Variants in HTT observed in about 807,000 individuals in gnomAD.
HTT encodes the protein huntingtin.
A neutral mutation model predicts 362.3 loss-of-function variants in HTT; 104 were observed. The ratio of observed to expected loss-of-function variants is 0.29; its 90% CI spans 0.24 to 0.34. The LOEUF is 0.34. Ranked by LOEUF, HTT falls within the 10% of genes least tolerant of loss-of-function variation. The pLI, the probability that HTT is intolerant of heterozygous loss-of-function variation, is 1.00. For synonymous variants in HTT, 1,577 were observed against 1,548.7 expected, an observed-to-expected ratio of 1.02 and a Z score of -0.43; for missense variants, 3,301 against 3,928.6, an observed-to-expected ratio of 0.84 and a Z score of 4.27.
chr4:3,184,137 G>A (rs1015659409), intron 37 of HTT, among the ~76,000 whole-genome samples: 1 of 151,956 alleles, frequency 6.6e-6, no homozygotes. Flanking sequence ...TTGTTCAGCT[G>A]GTGATGAGAA....
chr4:3,208,840 T>C lies in HTT; in HGVS notation c.6220T>C (p.Ser2074Pro), dbSNP rs201646519. The C allele has an allele frequency of 9.9e-5, 159 of 1,614,086 alleles. No homozygotes were observed. In the African/African-American group the frequency reaches 1.7e-3, roughly 18 times the overall value. ...CACCATGCAAGACTCACTTAGTCCCTCTCCTCCAGTCTCTTCCCACCCGCT... is the reference window on the plus strand; with the variant it reads ...CACCATGCAAGACTCACTTAGTCCCCCTCCTCCAGTCTCTTCCCACCCGCT... ...LSTMQDSLSP[S>P]PPVSSHPLDG... Residue 2074 changes from serine (S) to proline (P), a missense_variant, in exon 46 of 67, where the codon TCT becomes CCT. Coordinates refer to ENST00000355072, the MANE Select transcript of HTT (RefSeq NM_001388492.1).
chr4:3,127,507 A>G lies in HTT; in HGVS notation c.1646A>G (p.Asn549Ser). Residue 549 changes from asparagine to serine, a missense_variant, in exon 12 of 67, where the codon AAT (asparagine) becomes AGT (serine). Physicochemically the swap from Asn to Ser is conservative, Grantham distance 46. Around this residue, in one of 4 missense-constraint regions of HTT, gnomAD observed 2,316 missense variants for 2,658.5 expected, o/e 0.87. Transcript: ENST00000355072. ...AVPSDPAMDL[N>S]DGTQASSPIS... ...CCATCTGACCCTGCCATGGACCTGA[A>G]TGATGGGACCCAGGCCTCGTCGCCC... 6.2e-7 allele frequency: 1 copy of G among 1,614,226 alleles called. No individual in the cohort carries two copies. The highest frequency in any genetic ancestry group is 8.5e-7 in the Non-Finnish European group (1 of 1,180,022).
chr4:3,121,631 T>G, intron 9 of HTT, 199 bp downstream of exon 9: 1 of 485,858 alleles, frequency 2.1e-6, no homozygotes, highest in South Asian at 2.4e-5. Flanking sequence ...ATTTCAGCAC[T>G]TTGGAAGGAT....
chr4:3,086,574 G>C (rs1239366495), intron 1 of HTT, among the ~76,000 whole-genome samples: 3 of 152,210 alleles, frequency 2.0e-5, no homozygotes, highest in Admixed American at 2.0e-4. Flanking sequence ...AGGAGGCTGA[G>C]ACGGGAGGAT....
chr4:3,079,249 T>C (rs1421374771), intron 1 of HTT, among the ~76,000 whole-genome samples: 1 of 148,810 alleles, frequency 6.7e-6, no homozygotes, highest in South Asian at 2.2e-4. Context: ...GAAGACAGCT[T>C]TTTTTTTTTT....
rs767177058 is a variant in HTT at position 3,127,440 on chromosome 4, G to A, written c.1579G>A (p.Glu527Lys). 3 of 1,614,146 alleles carry A rather than the reference G, an allele frequency of 1.9e-6. No homozygotes were observed. Reference protein sequence around the residue: ...LTSSATDGDEEDILSHSSSQV... With the variant: ...LTSSATDGDEKDILSHSSSQV... ...AAGCTCTGCCACTGATGGGGATGAG[G>A]AGGATATCTTGAGCCACAGCTCCAG... is the stretch of plus-strand genomic sequence containing the variant. The change falls in exon 12 of 67, where the codon GAG (glutamate) becomes AAG (lysine). Residue 527 changes from glutamate to lysine, a missense_variant. Coordinates refer to ENST00000355072, the MANE Select transcript of HTT (RefSeq NM_001388492.1).
In HTT at chr4:3,105,351, C is replaced by T. The variant is rs762755902; in HGVS notation, c.529-6C>T. The T allele has an allele frequency of 6.2e-7, 1 of 1,609,356 alleles. No homozygotes were observed. The highest frequency in any genetic ancestry group is 8.5e-7 in the Non-Finnish European group (1 of 1,175,640). On this transcript the variant is annotated splice_polypyrimidine_tract_variant and splice_region_variant and intron_variant, in intron 4 of 66. Coordinates refer to ENST00000355072, the MANE Select transcript of HTT (RefSeq NM_001388492.1). Reference sequence around the variant, plus strand: ...TCTTAATGCAACCCTCATTGCACCCCCTCAGAATGGTGCCCCTCGGAGTTT... The same window carrying T: ...TCTTAATGCAACCCTCATTGCACCCTCTCAGAATGGTGCCCCTCGGAGTTT...
chr4:3,204,313 A>G lies in HTT; in HGVS notation c.5718+165A>G, dbSNP rs1271277700. Reference sequence around the variant, plus strand: ...TGAATGTTTACTTCTGCTGTGACATATAATTGGAGACCAGGCCTGGCCTTC... The same window carrying G: ...TGAATGTTTACTTCTGCTGTGACATGTAATTGGAGACCAGGCCTGGCCTTC... On this transcript the variant is annotated intron_variant, in intron 42 of 66. Coordinates refer to ENST00000355072, the MANE Select transcript of HTT (RefSeq NM_001388492.1). 2.0e-5 allele frequency among the ~76,000 whole-genome samples: 3 copies of G among 152,324 alleles called. No individual in the cohort carries two copies. The East Asian group carries it at 5.8e-4, about 29-fold the overall frequency.
Position 3,218,602 on chromosome 4 carries a change from T to C in HTT, c.7242+650T>C, listed in dbSNP as rs1343227917. Among the ~76,000 whole-genome samples, 1 of 151,602 alleles carries C rather than the reference T, an allele frequency of 6.6e-6. No individual in the cohort carries two copies. The highest frequency in any genetic ancestry group is 1.5e-5 in the Non-Finnish European group (1 of 67,912). On this transcript the variant is annotated intron_variant, in intron 52 of 66. Coordinates refer to ENST00000355072, the MANE Select transcript of HTT (RefSeq NM_001388492.1). The surrounding 1 kb of genome is among the most constrained non-coding windows in gnomAD (Gnocchi z 4.4). ...AAGCCGAGATCGCGCCACTGCACTC[T>C]AGCCTGGGCAACAGAGCAAGACTCC...
chr4:3,215,062 T>G (rs1315232028), intron 50 of HTT, 48 bp from the exon 51 acceptor site: 2 of 1,430,004 alleles, frequency 1.4e-6, no homozygotes, highest in Admixed American at 1.8e-5. Flanking sequence ...TAAAAAGCAC[T>G]GATGGAAGTG....
chr4:3,145,241 C>T lies in HTT; in HGVS notation c.3143+13C>T, dbSNP rs1245057213. On this transcript the variant is annotated intron_variant, in intron 24 of 66. Transcript: ENST00000355072. ...GTTGGCACTGTGGGTATGTATTTTC[C>T]TCAGTATATATTAATAGTTGTCTAC... 1 of 1,540,340 alleles carries T rather than the reference C, an allele frequency of 6.5e-7. No homozygotes were observed. The highest frequency in any genetic ancestry group is 1.7e-5 in the Admixed American group (1 of 59,894).
intron 6 of HTT, among the ~76,000 whole-genome samples, chr4:3,114,506 A>G: frequency 6.6e-6 from 1 of 152,242 alleles, no homozygotes; most frequent in South Asian, 2.1e-4. Context: ...ATCAGATGCC[A>G]GTTACTAGTT....
chr4:3,125,680 A>C (rs1017772096), intron 11 of HTT, 51 bp downstream of exon 11: 3 of 1,319,470 alleles, frequency 2.3e-6, no homozygotes, highest in African/African-American at 2.9e-5. Flanking sequence ...TCTGCCTTCC[A>C]CCCCTTGCCC....
At chr4:3,154,516 T>C (rs1717051285) in intron 27 of HTT, 97 bp downstream of exon 27, 45 of 1,467,718 alleles carry the variant, frequency 3.1e-5, no homozygotes, top group Non-Finnish European at 4.0e-5. Context: ...GAAATAAATA[T>C]AATACACATC....
chr4:3,126,765 G>A (rs1291937103), intron 11 of HTT, among the ~76,000 whole-genome samples: 4 of 152,162 alleles, frequency 2.6e-5, no homozygotes, highest in Non-Finnish European at 5.9e-5. Flanking sequence ...CTAGGAAAAT[G>A]TGTTACAGGT....
intron 6 of HTT, among the ~76,000 whole-genome samples, chr4:3,111,193 CTTTT>C (rs1161560027): frequency 7.4e-6 from 1 of 134,800 alleles, no homozygotes; most frequent in Admixed American, 7.5e-5. Context: ...ATTTTCTTTA[CTTTT>C]TTTTTTTTTT....
Position 3,074,926 on chromosome 4 carries a change from A to G in HTT, c.101A>G (p.Gln34Arg), listed in dbSNP as rs1448138447. The stretch of plus-strand genomic sequence containing the variant: ...CAGCAGCAGCAGCAGCAGCAGCAGC[A>G]GCAGCAGCAACAGCCGCCACCGCCG... ...QQQQQQQQQQQQQQQPPPPPP... is the reference protein window; with the variant it reads ...QQQQQQQQQQRQQQQPPPPPP... The change falls in exon 1 of 67, where the codon CAG (glutamine) becomes CGG (arginine). Residue 34 changes from glutamine (Q) to arginine (R), a missense_variant. By Grantham distance (43) the Gln-to-Arg change is conservative. Transcript: ENST00000355072. 6.8e-6 allele frequency: 10 copies of G among 1,464,924 alleles called. No homozygotes were observed. The East Asian group carries it at 2.5e-4, about 36-fold the overall frequency. 90.7% of individuals were successfully genotyped at this position (1,464,924 alleles called of 1,614,324 possible).
At chr4:3,209,033 C>A in intron 46 of HTT, 122 bp downstream of exon 46, 2 of 1,081,278 alleles carry the variant, frequency 1.8e-6, no homozygotes, top group Non-Finnish European at 1.3e-6. Context: ...CTCGGCTCGG[C>A]TCAGTGAAGC....
chr4:3,157,491 C>T (rs868058051), intron 28 of HTT, among the ~76,000 whole-genome samples: 60 of 152,240 alleles, frequency 3.9e-4, no homozygotes, highest in Middle Eastern at 3.4e-3. Context: ...TGGAGGGATC[C>T]GTGTACAGGC....
Sources: gnomAD v4.1 joint callset for allele counts (sites outside exome capture counted in the v4.1 genomes callset) on GRCh38, gnomAD v4.1.1 for gene constraint, gnomAD v4.1.1 regional missense constraint, Gnocchi (gnomAD v3.1) non-coding constraint, MANE v1.5 for transcripts, NCBI Gene and HGNC (gene_info 2026-07-23, HGNC 2026-07-21) for gene names.